ARPC1A: variants seen among roughly 807,000 people sequenced by gnomAD.
ARPC1A encodes the protein actin related protein 2/3 complex subunit 1A.
In ARPC1A, 8 loss-of-function variants were observed where a neutral mutation model predicts 46.9. That is an observed-to-expected ratio of 0.17 (90% CI 0.10 to 0.31). The LOEUF is 0.31. Among genes scored for constraint, ARPC1A ranks in the 10% least tolerant of loss-of-function variants. ARPC1A has a pLI of 1.00. For missense variants in ARPC1A, 286 were observed against 483.6 expected, an observed-to-expected ratio of 0.59 and a Z score of 3.83; for synonymous variants, 152 against 169.0, an observed-to-expected ratio of 0.90 and a Z score of 0.78.
chr7:99,337,717 T>A (rs1320373971), intron 2 of ARPC1A, among the ~76,000 whole-genome samples: 1 of 152,194 alleles, frequency 6.6e-6, no homozygotes, highest in Admixed American at 6.5e-5. Flanking sequence ...TCAATTTTTT[T>A]AATATAAACT....
chr7:99,344,404 G>A lies in ARPC1A; in HGVS notation c.281G>A (p.Arg94Lys). 1 of 1,614,026 alleles carries A rather than the reference G, an allele frequency of 6.2e-7. No individual in the cohort carries two copies. Among genetic ancestry groups the A allele is most frequent in the Non-Finnish European group, 8.5e-7 (1 of 1,179,882 alleles). Residue 94 changes from arginine (R) to lysine (K), a missense_variant, in exon 4 of 10, where the codon AGA becomes AAA. Coordinates refer to ENST00000262942, the MANE Select transcript of ARPC1A (RefSeq NM_006409.4). ...TGGAAGCCAACCCTGGTGATCCTGAGAATTAATCGCGCAGCTACTTTTGTG... is the reference window on the plus strand; with the variant it reads ...TGGAAGCCAACCCTGGTGATCCTGAAAATTAATCGCGCAGCTACTTTTGTG... ...GVWKPTLVIL[R>K]INRAATFVKW... is the part of the protein sequence containing the mutation.
In ARPC1A at chr7:99,336,639, G is replaced by A. The variant is rs192791450; in HGVS notation, c.65-1542G>A. On this transcript the variant is annotated intron_variant, in intron 2 of 9. Transcript: ENST00000262942. Reference sequence around the variant, plus strand: ...CTCCCAAGTAGCTGGGACTACAGGCGCGTGCCACCAGGCCTGGCTAATTTT... The same window carrying A: ...CTCCCAAGTAGCTGGGACTACAGGCACGTGCCACCAGGCCTGGCTAATTTT... Among the ~76,000 whole-genome samples the A allele has an allele frequency of 1.4e-4, 22 of 152,026 alleles. 1 individual carries two copies. The East Asian group carries it at 3.3e-3, about 23-fold the overall frequency.
rs1584390456 is a variant in ARPC1A at position 99,366,110 on chromosome 7, TTTTG to T, written c.*189_*192del. 1.1e-5 allele frequency: 8 copies of T among 708,166 alleles called. No individual in the cohort carries two copies. The highest frequency in any genetic ancestry group is 2.0e-5 in the South Asian group (1 of 50,314). 43.9% of individuals were successfully genotyped at this position (708,166 alleles called of 1,614,324 possible). A position where few individuals can be genotyped will look rare whatever the true frequency, so the allele number is the denominator to read the frequency against. On this transcript the variant is annotated 3_prime_UTR_variant, in exon 10 of 10. Coordinates refer to ENST00000262942, the MANE Select transcript of ARPC1A (RefSeq NM_006409.4). ...GTTGGTTTTTTTAAGGCAGTAATTT[TTTTG>T]TTTGTTTTTTTGCGATTTCATTCCA...
intron 3 of ARPC1A, chr7:99,339,993 G>A (rs527847031): frequency 2.2e-6 from 1 of 456,222 alleles, no homozygotes. Flanking sequence ...TGCATGAAAG[G>A]TTCATCCATT....
At chr7:99,354,209 AG>A in intron 6 of ARPC1A, 88 bp downstream of exon 6, 1 of 1,425,276 alleles carries the variant, frequency 7.0e-7, no homozygotes, top group Non-Finnish European at 9.6e-7. Context: ...CTGGGGTGTT[AG>A]CACAGGGCAC....
chr7:99,329,709 T>G (rs2150856874), intron 1 of ARPC1A, among the ~76,000 whole-genome samples: 1 of 152,366 alleles, frequency 6.6e-6, no homozygotes, highest in South Asian at 2.1e-4. Context: ...TACACTGTTG[T>G]GTAAATGGCC....
At chr7:99,358,675 G>A (rs1024625131) in intron 7 of ARPC1A, 2 of 402,300 alleles carry the variant, frequency 5.0e-6, no homozygotes, top group African/African-American at 2.1e-5. Flanking sequence ...CGAGGAACTG[G>A]GAATATAGGC....
At chr7:99,349,372 C>T (rs1342342545) in intron 5 of ARPC1A, among the ~76,000 whole-genome samples, 1 of 151,236 alleles carries the variant, frequency 6.6e-6, no homozygotes, top group Non-Finnish European at 1.5e-5. Flanking sequence ...CTGTAAGTTT[C>T]CTTTTCTTTG....
chr7:99,357,170 T>G (rs2150872491), intron 6 of ARPC1A, among the ~76,000 whole-genome samples: 1 of 152,270 alleles, frequency 6.6e-6, no homozygotes, highest in South Asian at 2.1e-4. Context: ...CTGTCTACCC[T>G]CGTACTGACT....
rs752395773 is a variant in ARPC1A, at chr7:99,359,706, G to C, written c.951G>C (p.Thr317=). 16 of 1,614,012 alleles carry C rather than the reference G, an allele frequency of 9.9e-6. No homozygotes were observed. The highest frequency in any genetic ancestry group is 1.4e-5 in the Non-Finnish European group (16 of 1,180,040). Residue 317 remains threonine, a synonymous_variant, in exon 8 of 10, where the codon ACG becomes ACC. Coordinates refer to ENST00000262942, the MANE Select transcript of ARPC1A (RefSeq NM_006409.4). ...DKRATTEDRN[T]ALETLHQNSI... The stretch of plus-strand genomic sequence containing the variant: ...GAGCCACAACTGAGGACCGCAACAC[G>C]GCCTTGGAGACGCTGCACCAGAATA...
intron 3 of ARPC1A, among the ~76,000 whole-genome samples, chr7:99,342,716 C>CTTTT (rs555524613): frequency 7.8e-4 from 79 of 101,924 alleles, no homozygotes; most frequent in African/African-American, 1.4e-3. Flanking sequence ...CTTCATACTA[C>CTTTT]TTTTTTTTTT....
intron 1 of ARPC1A, among the ~76,000 whole-genome samples, chr7:99,332,207 C>G (rs1447549302): frequency 2.0e-5 from 3 of 152,140 alleles, no homozygotes; most frequent in African/African-American, 4.8e-5. Flanking sequence ...TGACCATATT[C>G]CCAGGTTTCT....
chr7:99,354,888 G>A (rs556724548), intron 6 of ARPC1A, among the ~76,000 whole-genome samples: 1 of 152,074 alleles, frequency 6.6e-6, no homozygotes, highest in East Asian at 1.9e-4. Flanking sequence ...TGAGGCGGGC[G>A]GATCACTTGA....
At chr7:99,333,115 TTGAAC>T (rs1252345360) in intron 1 of ARPC1A, among the ~76,000 whole-genome samples, 1 of 152,218 alleles carries the variant, frequency 6.6e-6, no homozygotes, top group Non-Finnish European at 1.5e-5. Flanking sequence ...CAGGCTGGTC[TTGAAC>T]TCCTGACCTT....
chr7:99,359,005 T>TG (rs1325999285), intron 7 of ARPC1A, among the ~76,000 whole-genome samples: 2 of 151,158 alleles, frequency 1.3e-5, no homozygotes, highest in Admixed American at 6.6e-5. Flanking sequence ...CTAATTTTTT[T>TG]TATTTTTAGT....
intron 4 of ARPC1A, among the ~76,000 whole-genome samples, chr7:99,347,901 C>A (rs893788459): frequency 6.6e-6 from 1 of 151,730 alleles, no homozygotes; most frequent in African/African-American, 2.4e-5. Context: ...GGCATTGGCT[C>A]AATATTTAGT....
chr7:99,344,545 T>C (rs749923088), intron 4 of ARPC1A, 30 bp downstream of exon 4: 3 of 1,606,448 alleles, frequency 1.9e-6, no homozygotes, highest in Non-Finnish European at 2.6e-6. Context: ...TTTCTATCCC[T>C]CTCTATAGAA....
chr7:99,335,621 G>T (rs1192028578), intron 2 of ARPC1A: 1 of 299,206 alleles, frequency 3.3e-6, no homozygotes, highest in Non-Finnish European at 6.6e-6. Flanking sequence ...CTGAGATTTT[G>T]ACAGAGATTA....
chr7:99,354,190 C>G, intron 6 of ARPC1A, 69 bp downstream of exon 6: 1 of 1,525,686 alleles, frequency 6.6e-7, no homozygotes, highest in Non-Finnish European at 8.9e-7. Context: ...TGAACCAGGA[C>G]TGCCCTTCCT....
Sources: gnomAD v4.1 joint callset for allele counts (sites outside exome capture counted in the v4.1 genomes callset) on GRCh38, gnomAD v4.1.1 for gene constraint, MANE v1.5 for transcripts, NCBI Gene and HGNC (gene_info 2026-07-23, HGNC 2026-07-21) for gene names.